The following PLA2G5 variants were observed in gnomAD, a reference collection of about 807,000 sequenced individuals.
PLA2G5 encodes the protein Ca2+-dependent phospholipase A2.
Under a neutral mutation model 15.9 loss-of-function variants are expected in PLA2G5, and 12 were observed. That is an observed-to-expected ratio of 0.76 (90% CI 0.48 to 1.23). The LOEUF is 1.23. Among genes scored for constraint, PLA2G5 ranks in the 50% most tolerant of loss-of-function variants. The pLI, the probability that PLA2G5 is intolerant of heterozygous loss-of-function variation, is 0.00. For synonymous variants in PLA2G5, 71 were observed against 71.4 expected (o/e 0.99, Z 0.03); for missense variants, 169 against 177.1 (o/e 0.95, Z 0.26).
At chr1:20,046,384 G>T (rs1426183712) in intron 1 of PLA2G5, among the ~76,000 whole-genome samples, 2 of 152,138 alleles carry the variant, frequency 1.3e-5, no homozygotes, top group Non-Finnish European at 1.5e-5. Flanking sequence ...AACTGCAAAA[G>T]AGGAAAAAAC....
intron 1 of PLA2G5, among the ~76,000 whole-genome samples, chr1:20,077,234 G>A (rs576694435): frequency 3.9e-5 from 6 of 152,334 alleles, no homozygotes; most frequent in African/African-American, 9.6e-5. Context: ...TTTAATCACC[G>A]AAGTGTGAAT....
At chr1:20,075,112 G>A (rs1394007562) in intron 1 of PLA2G5, among the ~76,000 whole-genome samples, 1 of 152,208 alleles carries the variant, frequency 6.6e-6, no homozygotes, top group East Asian at 1.9e-4. Flanking sequence ...GCATGTGATT[G>A]CTGAGCTGTG....
intron 1 of PLA2G5, among the ~76,000 whole-genome samples, chr1:20,033,496 T>G (rs1311407260): frequency 1.3e-5 from 2 of 152,204 alleles, no homozygotes; most frequent in Non-Finnish European, 2.9e-5. Flanking sequence ...TATGAGGTCC[T>G]GTAGGTTATG....
At chr1:20,038,246 C>G (rs1429336526) in intron 1 of PLA2G5, among the ~76,000 whole-genome samples, 1 of 152,080 alleles carries the variant, frequency 6.6e-6, no homozygotes, top group Non-Finnish European at 1.5e-5. Flanking sequence ...GTGGTCATAT[C>G]TGCACATCCT....
chr1:20,064,045 T>C (rs2014883249), intron 2 of PLA2G5, among the ~76,000 whole-genome samples: 1 of 152,182 alleles, frequency 6.6e-6, no homozygotes. Context: ...TAGTGGCCCT[T>C]TGACTGCCAG....
intron 1 of PLA2G5, among the ~76,000 whole-genome samples, chr1:20,050,479 C>T (rs141022983): frequency 3.0e-4 from 45 of 152,292 alleles, no homozygotes; most frequent in African/African-American, 8.9e-4. Flanking sequence ...CAAAGGCACA[C>T]TGATGCAAGA....
chr1:20,056,229 G>A (rs1056238156), intron 1 of PLA2G5, among the ~76,000 whole-genome samples: 9 of 151,860 alleles, frequency 5.9e-5, no homozygotes, highest in African/African-American at 1.9e-4. Flanking sequence ...GCCCCACTGC[G>A]GTAGCTCCCA....
At chr1:20,050,677 G>T (rs566151483) in intron 1 of PLA2G5, among the ~76,000 whole-genome samples, 4 of 152,268 alleles carry the variant, frequency 2.6e-5, no homozygotes, top group African/African-American at 7.2e-5. Flanking sequence ...TTTGGAAAAT[G>T]AAGTCTCCTT....
intron 1 of PLA2G5, among the ~76,000 whole-genome samples, chr1:20,072,482 G>C (rs2015428243): frequency 6.6e-6 from 1 of 152,168 alleles, no homozygotes; most frequent in Non-Finnish European, 1.5e-5. Context: ...AAGGGAACAG[G>C]GGGAGGGAGA....
At chr1:20,062,870 C>T (rs910851397) in intron 2 of PLA2G5, among the ~76,000 whole-genome samples, 1 of 152,232 alleles carries the variant, frequency 6.6e-6, no homozygotes, top group South Asian at 2.1e-4. Context: ...CTTCGAGAGA[C>T]TCTGAGATGA....
intron 1 of PLA2G5, among the ~76,000 whole-genome samples, chr1:20,083,300 T>C (rs766395281): frequency 6.6e-6 from 1 of 151,824 alleles, no homozygotes; most frequent in Non-Finnish European, 1.5e-5. Context: ...TCAGAGTTGC[T>C]ACTGGACAAG....
At chr1:20,046,399 A>G (rs979019212) in intron 1 of PLA2G5, among the ~76,000 whole-genome samples, 1 of 152,246 alleles carries the variant, frequency 6.6e-6, no homozygotes, top group African/African-American at 2.4e-5. Flanking sequence ...AAAAACAAAC[A>G]AACAAAAATC....
chr1:20,051,726 G>T (rs374085882), intron 1 of PLA2G5, among the ~76,000 whole-genome samples: 1 of 152,126 alleles, frequency 6.6e-6, no homozygotes, highest in African/African-American at 2.4e-5. Flanking sequence ...TTCCTTTAAG[G>T]AATCAAACTT....
rs115173212 is a variant in PLA2G5 at position 20,078,625 on chromosome 1, G to A, written c.-10-6196G>A. 3.6e-3 allele frequency among the ~76,000 whole-genome samples: 553 copies of A among 152,268 alleles called. 3 individuals are homozygous for A. Among genetic ancestry groups the A allele is most frequent in the African/African-American group, 0.011 (470 of 41,544 alleles). On this transcript the variant is annotated intron_variant, in intron 1 of 4. Coordinates refer to ENST00000375108, the MANE Select transcript of PLA2G5 (RefSeq NM_000929.3). ...ACCGTGGGATCCCAGTGCCTGGCAC[G>A]TAGTAGACACTTCATAAATATTTTT...
intron 1 of PLA2G5, among the ~76,000 whole-genome samples, chr1:20,072,120 A>G (rs965792062): frequency 6.6e-6 from 1 of 151,988 alleles, no homozygotes; most frequent in Non-Finnish European, 1.5e-5. Context: ...ATAAATAAAT[A>G]AAGTGGCCAC....
In PLA2G5 at chr1:20,033,472, A is replaced by T. The variant is rs190655676; in HGVS notation, n.276+4763A>T. Among the ~76,000 whole-genome samples, 17 of 152,312 alleles carry T rather than the reference A, an allele frequency of 1.1e-4. No individual in the cohort carries two copies. In the East Asian group the frequency reaches 3.3e-3, roughly 29 times the overall value. On this transcript the variant is annotated intron_variant and non_coding_transcript_variant, in intron 1 of 6. Coordinates refer to the PLA2G5 transcript ENST00000460175. ...TAAGCAAGATGACAGGAGGGATAGA[A>T]GGGATTGATGGCTTATGAGGTCCTG...
At chr1:20,054,587 C>T (rs1203484675) in intron 1 of PLA2G5, among the ~76,000 whole-genome samples, 1 of 151,456 alleles carries the variant, frequency 6.6e-6, no homozygotes, top group Non-Finnish European at 1.5e-5. Flanking sequence ...ATGTTTTCCT[C>T]CCAACTTGGA....
intron 1 of PLA2G5, among the ~76,000 whole-genome samples, chr1:20,074,188 A>G (rs1181787154): frequency 6.6e-6 from 1 of 152,190 alleles, no homozygotes; most frequent in African/African-American, 2.4e-5. Flanking sequence ...GTTGTTGGAA[A>G]AGCTCAGAGA....
intron 1 of PLA2G5, among the ~76,000 whole-genome samples, chr1:20,040,023 G>A (rs776786784): frequency 2.1e-4 from 32 of 152,082 alleles, no homozygotes; most frequent in Admixed American, 4.6e-4. Context: ...TTCTACTCTT[G>A]TATTCAAAAT....
Sources: allele counts gnomAD v4.1 joint callset (sites outside exome capture counted in the v4.1 genomes callset), GRCh38; gene constraint gnomAD v4.1.1; transcripts MANE v1.5; gene names NCBI Gene and HGNC (gene_info 2026-07-23, HGNC 2026-07-21).